Variants in LRRC73 observed in about 807,000 individuals in gnomAD.
LRRC73 encodes leucine-rich repeat-containing protein 73.
LRRC73 carries 16 observed loss-of-function variants against 26.4 expected under a neutral mutation model. The observed-to-expected ratio is 0.61, with a 90% confidence interval of 0.41 to 0.92. The LOEUF (loss-of-function observed/expected upper bound fraction) is 0.92, where lower values mean the gene tolerates loss of function less well. Among genes scored for constraint, LRRC73 ranks in the 40% least tolerant of loss-of-function variants. The pLI is 0.00. For synonymous variants in LRRC73, 210 were observed against 179.8 expected, an observed-to-expected ratio of 1.17 and a Z score of -1.34; for missense variants, 344 against 416.3, an observed-to-expected ratio of 0.83 and a Z score of 1.51.
At chr6:43,507,879 TACG>T (rs1792543842) in exon 4 of LRRC73, 17 of 1,613,860 alleles carry the variant, frequency 1.1e-5, no homozygotes, top group Non-Finnish European at 1.4e-5. Flanking sequence ...ACCTCTAGGG[TACG>T]ACTAGAGGCC....
exon 2 of LRRC73, chr6:43,508,911 C>T (rs1343994205): frequency 2.5e-6 from 4 of 1,603,846 alleles, no homozygotes; most frequent in Admixed American, 1.7e-5. Flanking sequence ...TCAGGGGGCT[C>T]CCATGCAGGC....
chr6:43,509,396 T>A lies in LRRC73; in HGVS notation c.272+118A>T, dbSNP rs1792598490. 3.9e-6 allele frequency: 5 copies of A among 1,284,234 alleles called. No homozygotes were observed. The South Asian group carries it at 7.6e-5, about 20-fold the overall frequency. 79.6% of individuals were successfully genotyped at this position (1,284,234 alleles called of 1,614,324 possible). A position where few individuals can be genotyped will look rare whatever the true frequency, so the allele number is the denominator to read the frequency against. Reference sequence around the variant, plus strand: ...GGCATGGGCCGAGGCACGGTGTATGTGCATAAGGCATGTGAAGGTAGGATG... The same window carrying A: ...GGCATGGGCCGAGGCACGGTGTATGAGCATAAGGCATGTGAAGGTAGGATG... On this transcript the variant is annotated intron_variant, in intron 1 of 5. Transcript: ENST00000372441.
At chr6:43,508,081 G>A (rs1792554447) in intron 3 of LRRC73, among the ~76,000 whole-genome samples, 155 bp from the exon 4 acceptor site, 1 of 152,240 alleles carries the variant, frequency 6.6e-6, no homozygotes, top group South Asian at 2.1e-4. Context: ...TGATTGGTGA[G>A]TGAAGGCACG....
At chr6:43,509,472 G>A (rs1792600696) in intron 1 of LRRC73, 42 bp downstream of exon 1, 2 of 1,571,932 alleles carry the variant, frequency 1.3e-6, no homozygotes, top group Admixed American at 1.8e-5. Context: ...GTGTATGGAA[G>A]GGTGCAGTGC....
intron 4 of LRRC73, 27 bp from the exon 5 acceptor site, chr6:43,507,705 G>A: frequency 6.2e-7 from 1 of 1,610,010 alleles, no homozygotes; most frequent in East Asian, 2.2e-5. Context: ...TATGGAAAAG[G>A]ATGAACACAG....
At chr6:43,507,786 C>A in intron 4 of LRRC73, 40 bp downstream of exon 4, 5 of 1,603,260 alleles carry the variant, frequency 3.1e-6, no homozygotes, top group Non-Finnish European at 4.3e-6. Flanking sequence ...CTAACCTCCA[C>A]CCCATCCCCT....
chr6:43,507,648 T>TG lies in LRRC73; in HGVS notation c.687dup (p.Thr230HisfsTer10). The TG allele has an allele frequency of 6.2e-7, 1 of 1,614,110 alleles. No individual in the cohort carries two copies. Among genetic ancestry groups the TG allele is most frequent in the Non-Finnish European group, 8.5e-7 (1 of 1,180,028 alleles). ...GCCAACACCAGGCTCCGCAAAGCTGTGGGGTAATTTTCTACCATGTCCAGC... is the reference window on the plus strand; with the variant it reads ...GCCAACACCAGGCTCCGCAAAGCTGTGGGGGTAATTTTCTACCATGTCCAGC... On this transcript the variant is annotated frameshift_variant, in exon 5 of 6. Transcript: ENST00000372441. LOFTEE classifies it high-confidence loss of function.
intron 3 of LRRC73, 68 bp from the exon 4 acceptor site, chr6:43,507,994 T>C: frequency 2.2e-6 from 3 of 1,375,144 alleles, no homozygotes; most frequent in African/African-American, 1.4e-5. Context: ...AGCTTCCCCA[T>C]TGCCTTAACA....
chr6:43,510,089 G>T, exon 1 of LRRC73: 1 of 229,736 alleles, frequency 4.4e-6, no homozygotes. Flanking sequence ...TCTGGGCGTT[G>T]GGGCGGGTGC....
At chr6:43,509,959 G>T (rs1792614719) in exon 1 of LRRC73, 6 of 444,812 alleles carry the variant, frequency 1.3e-5, no homozygotes, top group South Asian at 2.0e-4. Flanking sequence ...AGGCTGCGGC[G>T]GGGGCGGAGA....
exon 4 of LRRC73, chr6:43,507,850 T>C (rs1388431494): frequency 1.2e-6 from 2 of 1,613,932 alleles, no homozygotes; most frequent in Non-Finnish European, 1.7e-6. Flanking sequence ...TGGTGAGCCC[T>C]GTGCCCTCCA....
chr6:43,509,698 C>T, exon 1 of LRRC73: 1 of 1,590,946 alleles, frequency 6.3e-7, no homozygotes, highest in Non-Finnish European at 8.5e-7. Flanking sequence ...AGCAGGCGCA[C>T]GGCGTTGTCG....
At position 43,509,913 on chromosome 6, in the gene LRRC73, A is replaced by AGGCGGC. The variant is rs1194007935; in HGVS notation, c.-134_-129dup. 4,094 of 728,730 alleles carry AGGCGGC rather than the reference A, an allele frequency of 5.6e-3. 22 individuals are homozygous for AGGCGGC. The highest frequency in any genetic ancestry group is 6.5e-3 in the Non-Finnish European group (3,404 of 526,076). 45.1% of individuals were successfully genotyped at this position (728,730 alleles called of 1,614,324 possible). A position where few individuals can be genotyped will look rare whatever the true frequency, so the allele number is the denominator to read the frequency against. On this transcript the variant is annotated 5_prime_UTR_variant, in exon 1 of 6. Transcript: ENST00000372441. ...GCGGGCGGAGTGGGGCCGGGGGTGG[A>AGGCGGC]GGCGGCGGCTGTGGCGGAGGCTGCG...
rs373145688 is a variant in LRRC73 at position 43,507,319 on chromosome 6, G to A, written c.881-11C>T. 7 of 1,613,800 alleles carry A rather than the reference G, an allele frequency of 4.3e-6. No homozygotes were observed. The highest frequency in any genetic ancestry group is 5.9e-6 in the Non-Finnish European group (7 of 1,179,990). ...TCTGAGAGCTGGGATCTGTGGAAGG[G>A]CAGAGAAGTGTTCAGACCACCATTC... On this transcript the variant is annotated splice_polypyrimidine_tract_variant and intron_variant, in intron 5 of 5. Transcript: ENST00000372441.
chr6:43,508,514 T>C, intron 2 of LRRC73, 94 bp from the exon 3 acceptor site: 3 of 1,569,136 alleles, frequency 1.9e-6, no homozygotes, highest in Non-Finnish European at 2.6e-6. Context: ...GTGTCCCTAG[T>C]GGCTGGGCAC....
rs746401346 is a variant in LRRC73 at position 43,508,928 on chromosome 6, AGAGT to A, written c.273-12_273-9del. 5.7e-6 allele frequency: 9 copies of A among 1,585,488 alleles called. No individual in the cohort carries two copies. The highest frequency in any genetic ancestry group is 3.5e-5 in the Admixed American group (2 of 56,658). ...AGGGGGCTCCCATGCAGGCTGGAGG[AGAGT>A]GAGAGAGCAGGGTTACTGCAGTCCT... is the stretch of plus-strand genomic sequence containing the variant. On this transcript the variant is annotated splice_polypyrimidine_tract_variant and intron_variant, in intron 1 of 5. Coordinates refer to ENST00000372441, the Ensembl canonical transcript of LRRC73.
chr6:43,507,830 G>T (rs1413572715), exon 4 of LRRC73: 1 of 1,613,632 alleles, frequency 6.2e-7, no homozygotes, highest in Admixed American at 1.7e-5. Context: ...TCCCACCTGA[G>T]CTGACTGGTT....
chr6:43,510,146 C>CTCGCGG (rs912434450), exon 1 of LRRC73: 7 of 182,408 alleles, frequency 3.8e-5, no homozygotes, highest in African/African-American at 1.7e-4. Context: ...GTCCTTGTCC[C>CTCGCGG]TCGCGGTCGC....
chr6:43,508,026 C>T (rs1792551324), intron 3 of LRRC73, 100 bp from the exon 4 acceptor site: 1 of 1,129,788 alleles, frequency 8.9e-7, no homozygotes, highest in Non-Finnish European at 1.3e-6. Flanking sequence ...TAATCCCTGG[C>T]CAAGGAAACA....
Sources: gnomAD v4.1 joint callset for allele counts (sites outside exome capture counted in the v4.1 genomes callset) on GRCh38, gnomAD v4.1.1 for gene constraint, MANE v1.5 for transcripts, NCBI Gene and HGNC (gene_info 2026-07-23, HGNC 2026-07-21) for gene names.